Variants in SYNE2 observed in about 807,000 individuals in gnomAD.
SYNE2 encodes the protein spectrin repeat containing nuclear envelope protein 2.
Under a neutral mutation model 856.3 loss-of-function variants are expected in SYNE2, and 431 were observed. That is an observed-to-expected ratio of 0.50 (90% CI 0.47 to 0.55). The LOEUF is 0.55. Ranked by LOEUF, SYNE2 falls within the 20% of genes least tolerant of loss-of-function variation. The probability of loss-of-function intolerance (pLI) is 0.00; values close to 1 mark genes in which losing one functional copy is unlikely to be tolerated. For missense variants in SYNE2, 8,129 were observed against 8,023.2 expected (o/e 1.01, Z -0.50); for synonymous variants, 2,923 against 2,872.3 (o/e 1.02, Z -0.56).
Position 64,158,800 on chromosome 14 carries a change from A to G in SYNE2, c.15963+5A>G, listed in dbSNP as rs1025248261. ...TGCCAGGTGGAGAACCTTCAGGTAAATTAACCAGAGCTTGGCATGGTGCAT... is the reference window on the plus strand; with the variant it reads ...TGCCAGGTGGAGAACCTTCAGGTAAGTTAACCAGAGCTTGGCATGGTGCAT... On this transcript the variant is annotated splice_donor_5th_base_variant and intron_variant, in intron 86 of 115. Coordinates refer to ENST00000555002, the MANE Select transcript of SYNE2 (RefSeq NM_182914.3). 7 of 1,613,754 alleles carry G rather than the reference A, an allele frequency of 4.3e-6. No homozygotes were observed. In the East Asian group the frequency reaches 1.6e-4, roughly 36 times the overall value.
chr14:63,787,755 A>T (rs1396780394), intron 1 of SYNE2, among the ~76,000 whole-genome samples: 1 of 152,180 alleles, frequency 6.6e-6, no homozygotes, highest in African/African-American at 2.4e-5. Flanking sequence ...CTGGGTCCAT[A>T]GGCAGCCATG....
intron 13 of SYNE2, 112 bp downstream of exon 13, chr14:63,978,129 C>G (rs1010393733): frequency 3.9e-6 from 3 of 766,978 alleles, no homozygotes; most frequent in Admixed American, 2.0e-5. Flanking sequence ...CAAGTATTCT[C>G]CTTTAAATCT....
Position 63,812,908 on chromosome 14 carries a change from T to A in SYNE2, c.-304-39593T>A, listed in dbSNP as rs1888671573. ...GAACTTAATGTAAATTTTAAAAAAA[T>A]TAAAAAAAGAAAAACCAGCCTGATA... On this transcript the variant is annotated intron_variant, in intron 1 of 23. Coordinates refer to the SYNE2 transcript ENST00000674003. Among the ~76,000 whole-genome samples, 4 of 152,048 alleles carry A rather than the reference T, an allele frequency of 2.6e-5. No homozygotes were observed. The South Asian group carries it at 8.3e-4, about 32-fold the overall frequency.
chr14:64,010,668 A>G (rs2096836913), intron 32 of SYNE2, among the ~76,000 whole-genome samples: 1 of 152,184 alleles, frequency 6.6e-6, no homozygotes, highest in African/African-American at 2.4e-5. Context: ...GAATAGTTAG[A>G]AAAGAATATA....
chr14:64,053,029 A>T lies in SYNE2; in HGVS notation c.9116A>T (p.Asp3039Val), dbSNP rs762238478. The change falls in exon 48 of 116, where the codon GAC (aspartate) becomes GTC (valine). Residue 3039 changes from aspartate to valine, a missense_variant. Around this residue, in one of 3 missense-constraint regions of SYNE2, gnomAD observed 5,410 missense variants for 5,284.8 expected, o/e 1.02. Coordinates refer to ENST00000555002, the MANE Select transcript of SYNE2 (RefSeq NM_182914.3). ...CTTGAAGAAAAAATTAAGCAGTTGG[A>T]CACATTTGAGGAAGAACATGGCAAA... is the stretch of plus-strand genomic sequence containing the variant. ...KELEEKIKQL[D>V]TFEEEHGKYQ... 2.4e-5 allele frequency: 38 copies of T among 1,613,744 alleles called. 1 individual carries two copies. The South Asian group carries it at 3.9e-4, about 16-fold the overall frequency.
chr14:64,056,673 CTT>C (rs34164335), intron 49 of SYNE2, among the ~76,000 whole-genome samples: 214 of 145,044 alleles, frequency 1.5e-3, no homozygotes, highest in Non-Finnish European at 1.5e-3. Context: ...TTTTGTTGTA[CTT>C]TTTTTTTTTT....
At chr14:63,784,283 G>T (rs1887430416) in intron 1 of SYNE2, among the ~76,000 whole-genome samples, 1 of 151,290 alleles carries the variant, frequency 6.6e-6, no homozygotes, top group Admixed American at 6.6e-5. Context: ...ACGAGGTCAG[G>T]AGTTCGAGAC....
chr14:63,897,619 T>C (rs2095273751), intron 1 of SYNE2, among the ~76,000 whole-genome samples: 1 of 152,218 alleles, frequency 6.6e-6, no homozygotes, highest in Admixed American at 6.5e-5. Flanking sequence ...TGGGCCAACC[T>C]TGGACCCAGC....
chr14:63,780,311 A>G (rs1308178276), intron 1 of SYNE2, among the ~76,000 whole-genome samples: 2 of 152,208 alleles, frequency 1.3e-5, no homozygotes, highest in Non-Finnish European at 2.9e-5. Context: ...AGGCGGGCAG[A>G]CGATTTGAGG....
intron 1 of SYNE2, among the ~76,000 whole-genome samples, chr14:63,857,880 A>G (rs1317163265): frequency 6.6e-6 from 1 of 152,140 alleles, no homozygotes; most frequent in East Asian, 1.9e-4. Flanking sequence ...TAAGATTTGC[A>G]AATATTTCCA....
intron 1 of SYNE2, among the ~76,000 whole-genome samples, chr14:63,775,201 C>T: frequency 6.6e-6 from 1 of 152,046 alleles, no homozygotes; most frequent in East Asian, 1.9e-4. Flanking sequence ...GACTCAAACT[C>T]CTGACCTTGG....
At position 64,225,812 on chromosome 14, in the gene SYNE2, A is replaced by T; in HGVS notation, c.*286A>T. On this transcript the variant is annotated 3_prime_UTR_variant, in exon 116 of 116. Coordinates refer to ENST00000555002, the MANE Select transcript of SYNE2 (RefSeq NM_182914.3). Reference sequence around the variant, plus strand: ...ATGTCAGTTTCCTGAAGAGCCAAGCACTTTGTGAATTCTGGTTTGTTTGTA... The same window carrying T: ...ATGTCAGTTTCCTGAAGAGCCAAGCTCTTTGTGAATTCTGGTTTGTTTGTA... The T allele has an allele frequency of 1.7e-6, 1 of 591,540 alleles. No homozygotes were observed. The highest frequency in any genetic ancestry group is 3.0e-6 in the Non-Finnish European group (1 of 331,840). The allele number at this position is 591,540 out of a possible 1,614,324, so 36.6% of individuals were successfully genotyped here. A position where few individuals can be genotyped will look rare whatever the true frequency, so the allele number is the denominator to read the frequency against.
chr14:64,206,401 G>T (rs1355123690), intron 100 of SYNE2, among the ~76,000 whole-genome samples: 1 of 151,964 alleles, frequency 6.6e-6, no homozygotes, highest in Non-Finnish European at 1.5e-5. Flanking sequence ...CTTGCAAAAT[G>T]TTCTTGTCTA....
intron 2 of SYNE2, among the ~76,000 whole-genome samples, chr14:63,923,370 C>T (rs1353457258): frequency 6.6e-6 from 1 of 152,214 alleles, no homozygotes; most frequent in East Asian, 1.9e-4. Flanking sequence ...TTGCTGGACT[C>T]CACATGCTGA....
At position 64,102,253 on chromosome 14, in the gene SYNE2, A is replaced by T. The variant is rs147368479; in HGVS notation, c.12492+211A>T. On this transcript the variant is annotated intron_variant, in intron 64 of 115. Transcript: ENST00000555002. ...TGCTTCAGCCTCCCAAGTAGCTGGGATTACAGGCACACGTCACCACGCCCA... is the reference window on the plus strand; with the variant it reads ...TGCTTCAGCCTCCCAAGTAGCTGGGTTTACAGGCACACGTCACCACGCCCA... Among the ~76,000 whole-genome samples, 1,257 of 152,260 alleles carry T rather than the reference A, an allele frequency of 8.3e-3. 15 individuals carry two copies. Among genetic ancestry groups the T allele is most frequent in the African/African-American group, 0.029 (1,197 of 41,524 alleles).
rs946849399 is a variant in SYNE2, at chr14:64,191,002, T to C, written c.18038+765T>C. 2.1e-5 allele frequency: 15 copies of C among 702,236 alleles called. No homozygotes were observed. In the African/African-American group the frequency reaches 2.6e-4, roughly 12 times the overall value. The allele number at this position is 702,236 out of a possible 1,614,324, so 43.5% of individuals were successfully genotyped here. A position where few individuals can be genotyped will look rare whatever the true frequency, so the allele number is the denominator to read the frequency against. ...CTTGGGACCACTTGTGCAGCTGTGC[T>C]TCCACTGGCCACACGGGTCCTTTCC... is the stretch of plus-strand genomic sequence containing the variant. On this transcript the variant is annotated intron_variant, in intron 99 of 115. Transcript: ENST00000555002.
chr14:64,058,803 T>C (rs916696336), intron 49 of SYNE2, among the ~76,000 whole-genome samples: 2 of 152,172 alleles, frequency 1.3e-5, no homozygotes. Context: ...GATTTACCTT[T>C]TTGAGGCTAT....
chr14:63,861,869 G>C (rs1595252237), intron 1 of SYNE2, among the ~76,000 whole-genome samples: 1 of 152,080 alleles, frequency 6.6e-6, no homozygotes, highest in Non-Finnish European at 1.5e-5. Context: ...TTTGACAGTG[G>C]AGCAATAGTA....
intron 1 of SYNE2, among the ~76,000 whole-genome samples, chr14:63,879,109 C>T (rs1452633914): frequency 1.3e-5 from 2 of 152,076 alleles, no homozygotes; most frequent in African/African-American, 2.4e-5. Flanking sequence ...CAAACTGCCT[C>T]ATAAGCCAAG....
Sources: allele counts gnomAD v4.1 joint callset (sites outside exome capture counted in the v4.1 genomes callset), GRCh38; gene constraint gnomAD v4.1.1; regional missense constraint gnomAD v4.1.1; transcripts MANE v1.5; gene names NCBI Gene and HGNC (gene_info 2026-07-23, HGNC 2026-07-21).